The following SENP6 variants were observed in gnomAD, a reference collection of about 807,000 sequenced individuals.
SENP6 encodes sentrin-specific protease 6.
Under a neutral mutation model 134.5 loss-of-function variants are expected in SENP6, and 41 were observed. The ratio of observed to expected loss-of-function variants is 0.30; its 90% CI spans 0.24 to 0.40. The LOEUF (loss-of-function observed/expected upper bound fraction) is 0.40, where lower values mean the gene tolerates loss of function less well. Among genes scored for constraint, SENP6 ranks in the 10% least tolerant of loss-of-function variants. The probability of loss-of-function intolerance (pLI) is 1.00; values close to 1 mark genes in which losing one functional copy is unlikely to be tolerated. For missense variants in SENP6, 1,248 were observed against 1,312.5 expected (o/e 0.95, Z 0.76); for synonymous variants, 395 against 429.8 (o/e 0.92, Z 1.00).
At chr6:75,708,872 C>T (rs6921970) in intron 19 of SENP6, among the ~76,000 whole-genome samples, 46,945 of 151,668 alleles carry the variant, frequency 0.31, 7,915 homozygotes, top group African/African-American at 0.45. Context: ...CCAGCCTGGG[C>T]GACAGAGCAA....
rs141940873 is a variant in SENP6, at chr6:75,688,842, T to C, written c.2076-6962T>C. Among the ~76,000 whole-genome samples the C allele has an allele frequency of 1.8e-3, 271 of 152,230 alleles. 1 individual carries two copies. The highest frequency in any genetic ancestry group is 6.2e-3 in the African/African-American group (258 of 41,540). ...CAGCACTTTGGGAAGCCGAGGCAGG[T>C]GGATCATCTGAGGTCAGGAGGTGAA... On this transcript the variant is annotated intron_variant, in intron 16 of 23. Transcript: ENST00000447266.
chr6:75,652,683 C>CAAAAAAAAAAAA lies in SENP6; in HGVS notation c.550+4891_550+4902dup, dbSNP rs71002754. On this transcript the variant is annotated intron_variant, in intron 7 of 23. Transcript: ENST00000447266. ...GAAATCCCATCTCTACTAAAAATCT[C>CAAAAAAAAAAAA]AAAAAAAAAAAAAAAAAAAAGAAAA... Among the ~76,000 whole-genome samples the CAAAAAAAAAAAA allele has an allele frequency of 1.4e-3, 104 of 75,828 alleles. 1 individual carries two copies. Among genetic ancestry groups the CAAAAAAAAAAAA allele is most frequent in the East Asian group, 2.9e-3 (8 of 2,792 alleles). 49.7% of individuals were successfully genotyped at this position (75,828 alleles called of 152,430 possible). A position where few individuals can be genotyped will look rare whatever the true frequency, so the allele number is the denominator to read the frequency against.
At chr6:75,612,176 T>G (rs1265261409) in intron 1 of SENP6, among the ~76,000 whole-genome samples, 1 of 152,142 alleles carries the variant, frequency 6.6e-6, no homozygotes, top group African/African-American at 2.4e-5. Context: ...TCTAAAGACC[T>G]CTTCAGATGG....
intron 7 of SENP6, 92 bp downstream of exon 7, chr6:75,647,893 C>A: frequency 1.0e-6 from 1 of 953,832 alleles, no homozygotes; most frequent in Non-Finnish European, 1.6e-6. Context: ...AGAATATTCC[C>A]AGGTATAATA....
At chr6:75,681,658 C>T (rs770273640) in intron 16 of SENP6, among the ~76,000 whole-genome samples, 2 of 151,962 alleles carry the variant, frequency 1.3e-5, no homozygotes, top group African/African-American at 2.4e-5. Context: ...AGTGAGAGAA[C>T]GGACTGATAC....
chr6:75,633,223 A>G (rs906794049), intron 3 of SENP6, among the ~76,000 whole-genome samples: 11 of 152,168 alleles, frequency 7.2e-5, no homozygotes, highest in African/African-American at 2.4e-4. Flanking sequence ...CGATTGCCAT[A>G]TTTGGCTGTA....
At chr6:75,626,341 A>G (rs904166657) in intron 3 of SENP6, among the ~76,000 whole-genome samples, 1 of 150,148 alleles carries the variant, frequency 6.7e-6, no homozygotes, top group Admixed American at 6.7e-5. Flanking sequence ...TTAGCTTTTT[A>G]TATATATATA....
At chr6:75,624,281 T>C (rs1318599330) in intron 3 of SENP6, among the ~76,000 whole-genome samples, 1 of 152,210 alleles carries the variant, frequency 6.6e-6, no homozygotes, top group Non-Finnish European at 1.5e-5. Context: ...AGTGAGTGCA[T>C]AGTATTCCAT....
chr6:75,716,724 T>G lies in SENP6; in HGVS notation c.*1130T>G, dbSNP rs960664271. The G allele has an allele frequency of 1.3e-5, 2 of 151,996 alleles. No homozygotes were observed. Among genetic ancestry groups the G allele is most frequent in the Admixed American group, 1.3e-4 (2 of 15,252 alleles). 9.4% of individuals were successfully genotyped at this position (151,996 alleles called of 1,614,324 possible). On this transcript the variant is annotated 3_prime_UTR_variant, in exon 24 of 24. Coordinates refer to ENST00000447266, the MANE Select transcript of SENP6 (RefSeq NM_015571.4). Reference sequence around the variant, plus strand: ...CTTCATTATTTTTCAAATGAAATGGTGTATACTTCTTTCAAATGAACTTTG... The same window carrying G: ...CTTCATTATTTTTCAAATGAAATGGGGTATACTTCTTTCAAATGAACTTTG...
intron 1 of SENP6, among the ~76,000 whole-genome samples, chr6:75,617,831 C>A (rs1402338380): frequency 6.6e-6 from 1 of 152,150 alleles, no homozygotes; most frequent in African/African-American, 2.4e-5. Flanking sequence ...TTCACAGTTT[C>A]TTAATCTTTC....
At chr6:75,689,134 G>A (rs1472939133) in intron 16 of SENP6, among the ~76,000 whole-genome samples, 5 of 152,168 alleles carry the variant, frequency 3.3e-5, no homozygotes, top group African/African-American at 4.8e-5. Context: ...GGCTGAGATG[G>A]GAGGATCACT....
intron 1 of SENP6, chr6:75,620,718 G>C (rs523465): frequency 0.2 from 29,746 of 152,186 alleles, 3,359 homozygotes; most frequent in African/African-American, 0.3. Context: ...TAAGACATCA[G>C]AATTATCCCC....
intron 11 of SENP6, among the ~76,000 whole-genome samples, chr6:75,674,169 T>TA (rs1772904188): frequency 3.8e-4 from 45 of 119,828 alleles, no homozygotes; most frequent in East Asian, 8.7e-4. Flanking sequence ...TTTTTTTTTT[T>TA]TAAAAACGAT....
intron 21 of SENP6, 80 bp from the exon 22 acceptor site, chr6:75,713,433 T>C: frequency 8.3e-7 from 1 of 1,208,082 alleles, no homozygotes; most frequent in Non-Finnish European, 1.2e-6. Flanking sequence ...ATTTGATTGT[T>C]TATAATATGC....
chr6:75,651,605 G>A (rs956311969), intron 7 of SENP6, among the ~76,000 whole-genome samples: 8 of 152,098 alleles, frequency 5.3e-5, no homozygotes, highest in South Asian at 2.1e-4. Context: ...GCTCGCCTCA[G>A]CCTCCCAAAG....
intron 19 of SENP6, among the ~76,000 whole-genome samples, chr6:75,703,566 G>T (rs2149900716): frequency 6.6e-6 from 1 of 152,212 alleles, no homozygotes; most frequent in Middle Eastern, 3.4e-3. Context: ...TTTGAAACCA[G>T]CCTGGGCAAC....
intron 1 of SENP6, among the ~76,000 whole-genome samples, chr6:75,613,618 A>G (rs1292670208): frequency 1.3e-5 from 2 of 152,182 alleles, no homozygotes; most frequent in Admixed American, 1.3e-4. Flanking sequence ...TTATATTTAT[A>G]CTGTGGAGCA....
At position 75,630,230 on chromosome 6, in the gene SENP6, C is replaced by T. The variant is rs1013039302; in HGVS notation, c.208-3351C>T. On this transcript the variant is annotated intron_variant, in intron 3 of 23. Coordinates refer to ENST00000447266, the MANE Select transcript of SENP6 (RefSeq NM_015571.4). ...GATTACAGGCATGCATCACCACACC[C>T]GGCAAATTTTTGTATTTTTAGTAGA... Among the ~76,000 whole-genome samples the T allele has an allele frequency of 7.9e-5, 12 of 152,042 alleles. 2 individuals carry two copies. The highest frequency in any genetic ancestry group is 6.6e-4 in the Admixed American group (10 of 15,262).
intron 16 of SENP6, among the ~76,000 whole-genome samples, chr6:75,683,565 G>T (rs1582850683): frequency 6.6e-6 from 1 of 152,038 alleles, no homozygotes; most frequent in Non-Finnish European, 1.5e-5. Context: ...TCTTGAATTA[G>T]TTTTTGTATA....
Sources: allele counts gnomAD v4.1 joint callset (sites outside exome capture counted in the v4.1 genomes callset), GRCh38; gene constraint gnomAD v4.1.1; transcripts MANE v1.5; gene names NCBI Gene and HGNC (gene_info 2026-07-23, HGNC 2026-07-21).